The following KCNIP1 variants were observed in gnomAD, a reference collection of about 807,000 sequenced individuals.
The protein encoded by KCNIP1 is potassium voltage-gated channel interacting protein 1, also known as A-type potassium channel modulatory protein KCNIP1.
A neutral mutation model predicts 33.0 loss-of-function variants in KCNIP1; 18 were observed. The observed-to-expected ratio is 0.55, with a 90% CI of 0.38 to 0.81. The LOEUF is 0.81. Ranked by LOEUF, KCNIP1 falls within the 30% of genes least tolerant of loss-of-function variation. The pLI, the probability that KCNIP1 is intolerant of heterozygous loss-of-function variation, is 0.00. For synonymous variants in KCNIP1, 93 were observed against 98.3 expected, an observed-to-expected ratio of 0.95 and a Z score of 0.32; for missense variants, 238 against 271.6, an observed-to-expected ratio of 0.88 and a Z score of 0.87.
At chr5:170,666,302 G>A (rs1761699088) in intron 1 of KCNIP1, among the ~76,000 whole-genome samples, 1 of 152,126 alleles carries the variant, frequency 6.6e-6, no homozygotes, top group Admixed American at 6.5e-5. Context: ...CCCCGTCATT[G>A]AGGGGTTTGG....
At chr5:170,720,211 G>T (rs1581542414) in intron 2 of KCNIP1, 110 bp from the exon 3 acceptor site, 16 of 753,448 alleles carry the variant, frequency 2.1e-5, no homozygotes, top group East Asian at 2.1e-4. Flanking sequence ...GAAATGCACA[G>T]GTCCCTGTCC....
intron 1 of KCNIP1, among the ~76,000 whole-genome samples, chr5:170,514,315 A>G (rs916221469): frequency 1.3e-5 from 2 of 152,160 alleles, no homozygotes; most frequent in African/African-American, 2.4e-5. Flanking sequence ...CTTTCTCTCC[A>G]TCTCTGGGAT....
intron 1 of KCNIP1, among the ~76,000 whole-genome samples, chr5:170,481,176 C>G (rs1172204654): frequency 3.3e-5 from 5 of 152,196 alleles, no homozygotes; most frequent in Admixed American, 2.6e-4. Flanking sequence ...CCTCTTTAAT[C>G]TAGCTTCTTA....
At chr5:170,630,758 G>A (rs1211335670) in intron 1 of KCNIP1, among the ~76,000 whole-genome samples, 1 of 152,196 alleles carries the variant, frequency 6.6e-6, no homozygotes, top group Non-Finnish European at 1.5e-5. Context: ...GAAATGCCTG[G>A]TGGGGAGGAA....
Position 170,464,885 on chromosome 5 carries a change from CT to C in KCNIP1, c.88+110922del, listed in dbSNP as rs1406064529. Among the ~76,000 whole-genome samples, 3 of 152,316 alleles carry C rather than the reference CT, an allele frequency of 2.0e-5. 1 individual carries two copies. The South Asian group carries it at 6.2e-4, about 32-fold the overall frequency. ...TCATCCACATTTCTGAAAGTGTCCACTCAGTGGACAGCCTGCTTTCTAGTCT... is the reference window on the plus strand; with the variant it reads ...TCATCCACATTTCTGAAAGTGTCCACCAGTGGACAGCCTGCTTTCTAGTCT... On this transcript the variant is annotated intron_variant, in intron 1 of 7. Coordinates refer to the KCNIP1 transcript ENST00000377360.
At chr5:170,531,868 G>A (rs991142698) in intron 1 of KCNIP1, among the ~76,000 whole-genome samples, 3 of 146,320 alleles carry the variant, frequency 2.1e-5, no homozygotes, top group Non-Finnish European at 3.0e-5. Context: ...CTGTCCTCTA[G>A]AATCCTCTAG....
At chr5:170,525,212 G>A (rs1755523966) in intron 1 of KCNIP1, among the ~76,000 whole-genome samples, 1 of 152,214 alleles carries the variant, frequency 6.6e-6, no homozygotes, top group Non-Finnish European at 1.5e-5. Context: ...GTCTCTGCAG[G>A]CCTCTAGCAG....
At chr5:170,550,760 TGAC>T (rs1015605513) in intron 1 of KCNIP1, among the ~76,000 whole-genome samples, 2 of 152,168 alleles carry the variant, frequency 1.3e-5, no homozygotes, top group Non-Finnish European at 2.9e-5. Flanking sequence ...GTGATGATGA[TGAC>T]AATAATGGTG....
chr5:170,544,788 T>G (rs77496963), intron 1 of KCNIP1, among the ~76,000 whole-genome samples: 1 of 152,216 alleles, frequency 6.6e-6, no homozygotes, highest in South Asian at 2.1e-4. Flanking sequence ...TTAAGACTTT[T>G]ACTTCTTCCT....
At chr5:170,384,836 C>T (rs1331837315) in intron 1 of KCNIP1, among the ~76,000 whole-genome samples, 1 of 152,242 alleles carries the variant, frequency 6.6e-6, no homozygotes, top group Non-Finnish European at 1.5e-5. Context: ...AATGCAGACA[C>T]ATCAGAAAAC....
At chr5:170,470,162 A>C (rs1756690923) in intron 1 of KCNIP1, among the ~76,000 whole-genome samples, 1 of 152,130 alleles carries the variant, frequency 6.6e-6, no homozygotes, top group Non-Finnish European at 1.5e-5. Context: ...ACTTGAGCAC[A>C]TCTGGCCCCC....
At chr5:170,355,504 C>T (rs72835783) in intron 1 of KCNIP1, among the ~76,000 whole-genome samples, 77 of 152,266 alleles carry the variant, frequency 5.1e-4, no homozygotes, top group Non-Finnish European at 8.8e-4. Context: ...AGTCTAGTGG[C>T]GACCCAGACC....
At chr5:170,702,941 G>A (rs1411941557) in intron 1 of KCNIP1, among the ~76,000 whole-genome samples, 5 of 148,190 alleles carry the variant, frequency 3.4e-5, no homozygotes, top group African/African-American at 7.4e-5. Flanking sequence ...CTGAGCCTCC[G>A]TCTTCTCTTC....
chr5:170,648,540 A>G (rs889897986), intron 1 of KCNIP1, among the ~76,000 whole-genome samples: 2 of 152,220 alleles, frequency 1.3e-5, no homozygotes, highest in African/African-American at 2.4e-5. Context: ...GCTTCCAACC[A>G]TGTAACATTA....
intron 1 of KCNIP1, among the ~76,000 whole-genome samples, chr5:170,473,271 CA>C (rs1389058482): frequency 6.6e-6 from 1 of 152,238 alleles, no homozygotes; most frequent in African/African-American, 2.4e-5. Context: ...AAGTGCTTTG[CA>C]GACGCTGTGC....
intron 1 of KCNIP1, among the ~76,000 whole-genome samples, chr5:170,454,361 G>A (rs746853137): frequency 1.3e-5 from 2 of 152,198 alleles, no homozygotes; most frequent in African/African-American, 2.4e-5. Flanking sequence ...TCTTCCAAGT[G>A]ATAATGAGCA....
chr5:170,495,445 T>C (rs1286854606), intron 1 of KCNIP1, among the ~76,000 whole-genome samples: 1 of 152,194 alleles, frequency 6.6e-6, no homozygotes, highest in Non-Finnish European at 1.5e-5. Flanking sequence ...GCAATGCTCC[T>C]GCTACACACA....
intron 1 of KCNIP1, among the ~76,000 whole-genome samples, chr5:170,427,425 C>T (rs112507056): frequency 3.9e-5 from 6 of 152,326 alleles, no homozygotes; most frequent in African/African-American, 9.6e-5. Flanking sequence ...CACTGCTGCC[C>T]TATGAGGCGG....
intron 1 of KCNIP1, among the ~76,000 whole-genome samples, chr5:170,577,634 C>G (rs953041397): frequency 1.1e-4 from 17 of 152,150 alleles, no homozygotes; most frequent in African/African-American, 1.9e-4. Flanking sequence ...CTCAGGTGCT[C>G]TAAGTAATTC....
Sources: allele counts gnomAD v4.1 joint callset (sites outside exome capture counted in the v4.1 genomes callset), GRCh38; gene constraint gnomAD v4.1.1; transcripts MANE v1.5; gene names NCBI Gene and HGNC (gene_info 2026-07-23, HGNC 2026-07-21).